The following CACNA1C variants were observed in gnomAD, a reference collection of about 807,000 sequenced individuals.
CACNA1C encodes calcium voltage-gated channel subunit alpha1 C.
In CACNA1C, 30 loss-of-function variants were observed where a neutral mutation model predicts 229.0. The observed-to-expected ratio is 0.13, with a 90% confidence interval of 0.10 to 0.18. The LOEUF (loss-of-function observed/expected upper bound fraction) is 0.18, where lower values mean the gene tolerates loss of function less well. CACNA1C is among the 10% of genes least tolerant of loss of function. CACNA1C has a pLI of 1.00. For synonymous variants in CACNA1C, 1,114 were observed against 1,132.5 expected (o/e 0.98, Z 0.33); for missense variants, 1,658 against 2,845.0 (o/e 0.58, Z 9.49).
intron 18 of CACNA1C, among the ~76,000 whole-genome samples, chr12:2,592,007 G>T (rs74053872): frequency 1.6e-4 from 25 of 152,200 alleles, no homozygotes; most frequent in Non-Finnish European, 3.4e-4. Flanking sequence ...CCATCCTAGC[G>T]CAGAATAACT....
intron 3 of CACNA1C, among the ~76,000 whole-genome samples, chr12:2,334,020 G>T (rs1285834470): frequency 6.6e-6 from 1 of 152,146 alleles, no homozygotes; most frequent in Admixed American, 6.5e-5. Flanking sequence ...GGGCAGAGTG[G>T]AAGATCCCTT....
intron 3 of CACNA1C, among the ~76,000 whole-genome samples, chr12:2,279,423 A>T (rs2090209241): frequency 1.3e-5 from 2 of 152,218 alleles, no homozygotes; most frequent in South Asian, 4.1e-4. Context: ...GCATTTCCAT[A>T]TGAATTTTAA....
At chr12:2,190,797 G>C (rs961452452) in intron 3 of CACNA1C, among the ~76,000 whole-genome samples, 1 of 152,174 alleles carries the variant, frequency 6.6e-6, no homozygotes, top group Non-Finnish European at 1.5e-5. Context: ...TTGGATTGGT[G>C]GGGTGGCAAG....
At chr12:2,187,514 T>C (rs752128933) in intron 3 of CACNA1C, among the ~76,000 whole-genome samples, 2 of 137,692 alleles carry the variant, frequency 1.5e-5, no homozygotes, top group Non-Finnish European at 3.1e-5. Flanking sequence ...TTCCCAAGGC[T>C]GAGCATCTGC....
intron 38 of CACNA1C, chr12:2,672,175 A>T (rs1007596489): frequency 6.6e-6 from 1 of 152,192 alleles, no homozygotes; most frequent in Admixed American, 6.5e-5. Flanking sequence ...CAAGCCAAAG[A>T]AGCTTCTCTC....
chr12:2,618,946 G>A (rs759128180), intron 29 of CACNA1C, among the ~76,000 whole-genome samples: 1 of 152,190 alleles, frequency 6.6e-6, no homozygotes, highest in South Asian at 2.1e-4. Context: ...CGCTCACCAG[G>A]AATCATCCTC....
intron 10 of CACNA1C, 91 bp downstream of exon 10, chr12:2,550,124 C>A: frequency 1.1e-6 from 1 of 915,290 alleles, no homozygotes; most frequent in Non-Finnish European, 1.7e-6. Flanking sequence ...GCTGGCTCAT[C>A]ACTAGGAAGG....
chr12:2,119,289 C>A (rs899751241), intron 2 of CACNA1C, among the ~76,000 whole-genome samples: 1 of 152,236 alleles, frequency 6.6e-6, no homozygotes, highest in African/African-American at 2.4e-5. Flanking sequence ...ATCTCCACCC[C>A]TCTCTGTCTT....
chr12:2,059,415 C>A (rs763331245), intron 1 of CACNA1C, among the ~76,000 whole-genome samples: 10 of 151,662 alleles, frequency 6.6e-5, no homozygotes, highest in Non-Finnish European at 1.0e-4. Context: ...TGAAAATAGA[C>A]CCTTCCTTCC....
chr12:2,680,226 A>G, intron 42 of CACNA1C: 1 of 605,844 alleles, frequency 1.7e-6, no homozygotes, highest in Non-Finnish European at 2.7e-6. Flanking sequence ...CCTCCCGGAG[A>G]GGGCATCCCC....
intron 3 of CACNA1C, among the ~76,000 whole-genome samples, chr12:2,392,588 A>C (rs1253067798): frequency 6.6e-6 from 1 of 152,020 alleles, no homozygotes; most frequent in Non-Finnish European, 1.5e-5. Flanking sequence ...TCCCTGAGCT[A>C]TTTTCCTTAT....
intron 3 of CACNA1C, among the ~76,000 whole-genome samples, chr12:2,364,254 A>C (rs1332666824): frequency 1.3e-5 from 2 of 152,200 alleles, no homozygotes; most frequent in African/African-American, 4.8e-5. Context: ...AAAGGAAATA[A>C]ATTTAAAATG....
intron 42 of CACNA1C, chr12:2,682,157 A>G (rs1362846470): frequency 8.6e-6 from 6 of 700,452 alleles, no homozygotes; most frequent in Non-Finnish European, 1.2e-5. Flanking sequence ...CCAAATGCCA[A>G]AGACCCAGGT....
At chr12:2,405,333 T>C (rs1183433100) in intron 3 of CACNA1C, among the ~76,000 whole-genome samples, 2 of 152,156 alleles carry the variant, frequency 1.3e-5, no homozygotes, top group Non-Finnish European at 2.9e-5. Context: ...CATATGTAGG[T>C]TCATGTGACC....
intron 30 of CACNA1C, among the ~76,000 whole-genome samples, chr12:2,645,481 A>G (rs1329034801): frequency 6.6e-6 from 1 of 152,254 alleles, no homozygotes; most frequent in East Asian, 1.9e-4. Context: ...GGCAAACCAC[A>G]GAAACTAAAA....
intron 38 of CACNA1C, among the ~76,000 whole-genome samples, chr12:2,671,659 A>G (rs933407887): frequency 2.0e-5 from 3 of 152,240 alleles, no homozygotes; most frequent in Non-Finnish European, 4.4e-5. Context: ...AAAGCCAACC[A>G]CATGCCAACT....
At chr12:2,634,436 C>T in intron 30 of CACNA1C, 56 bp downstream of exon 30, 1 of 794,362 alleles carries the variant, frequency 1.3e-6, no homozygotes, top group South Asian at 2.5e-5. Context: ...ACTCATTTGC[C>T]TTTTCCCGGT....
intron 30 of CACNA1C, among the ~76,000 whole-genome samples, chr12:2,642,204 C>T (rs1220509013): frequency 2.0e-5 from 3 of 152,104 alleles, no homozygotes; most frequent in Non-Finnish European, 2.9e-5. Flanking sequence ...CGGCTCTGAC[C>T]CATCCAGGCT....
Position 2,692,539 on chromosome 12 carries a change from C to T in CACNA1C, c.*1340C>T, listed in dbSNP as rs1469878160. On this transcript the variant is annotated 3_prime_UTR_variant, in exon 47 of 47. Transcript: ENST00000399655. Reference sequence around the variant, plus strand: ...TTTGAAAGCAAAAACAAACCACTGTCTCTGCTTCTGAAACGGGAATCAGTA... The same window carrying T: ...TTTGAAAGCAAAAACAAACCACTGTTTCTGCTTCTGAAACGGGAATCAGTA... 2 of 152,680 alleles carry T rather than the reference C, an allele frequency of 1.3e-5. No individual in the cohort carries two copies. The highest frequency in any genetic ancestry group is 2.4e-5 in the African/African-American group (1 of 41,458). 9.5% of individuals were successfully genotyped at this position (152,680 alleles called of 1,614,324 possible).
Sources: allele counts gnomAD v4.1 joint callset (sites outside exome capture counted in the v4.1 genomes callset), GRCh38; gene constraint gnomAD v4.1.1; transcripts MANE v1.5; gene names NCBI Gene and HGNC (gene_info 2026-07-23, HGNC 2026-07-21).